The following DIAPH3 variants were observed in gnomAD, a reference collection of about 807,000 sequenced individuals.
DIAPH3 encodes diaphanous related formin 3.
A neutral mutation model predicts 144.3 loss-of-function variants in DIAPH3; 117 were observed. That is an observed-to-expected ratio of 0.81 (90% CI 0.70 to 0.95). The LOEUF (loss-of-function observed/expected upper bound fraction) is 0.95, where lower values mean the gene tolerates loss of function less well. DIAPH3 is among the 40% of genes least tolerant of loss of function. The pLI, the probability that DIAPH3 is intolerant of heterozygous loss-of-function variation, is 0.00. For synonymous variants in DIAPH3, 519 were observed against 488.9 expected, an observed-to-expected ratio of 1.06 and a Z score of -0.81; for missense variants, 1,421 against 1,412.7, an observed-to-expected ratio of 1.01 and a Z score of -0.09.
At chr13:59,684,921 G>C (rs986639880) in intron 27 of DIAPH3, among the ~76,000 whole-genome samples, 1 of 152,052 alleles carries the variant, frequency 6.6e-6, no homozygotes, top group Non-Finnish European at 1.5e-5. Flanking sequence ...TAATTTGCTG[G>C]GGATAAGGTG....
intron 4 of DIAPH3, among the ~76,000 whole-genome samples, chr13:60,046,913 G>A (rs1179956542): frequency 2.6e-5 from 4 of 151,994 alleles, no homozygotes; most frequent in East Asian, 3.9e-4. Context: ...TCATAAGTTG[G>A]AGTTGAACAA....
In DIAPH3 at chr13:59,870,061, A is replaced by G. The variant is rs560514544; in HGVS notation, c.2608-8525T>C. The stretch of plus-strand genomic sequence containing the variant: ...ACGTCATAATAAAACCAAAGGTCAC[A>G]TAGATTTTCTCTTATCTTCTATAAA... On this transcript the variant is annotated intron_variant, in intron 21 of 27. Coordinates refer to ENST00000400324, the MANE Select transcript of DIAPH3 (RefSeq NM_001042517.2). Among the ~76,000 whole-genome samples the G allele has an allele frequency of 7.2e-5, 11 of 152,186 alleles. No homozygotes were observed. In the East Asian group the frequency reaches 7.7e-4, roughly 11 times the overall value.
At position 59,666,701 on chromosome 13, in the gene DIAPH3, C is replaced by A; in HGVS notation, c.3465G>T (p.Lys1155Asn). The A allele has an allele frequency of 1.2e-6, 2 of 1,614,128 alleles. No individual in the cohort carries two copies. Among genetic ancestry groups the A allele is most frequent in the Non-Finnish European group, 1.7e-6 (2 of 1,180,004 alleles). Residue 1155 changes from lysine (K) to asparagine (N), a missense_variant, in exon 28 of 28, where the codon AAG (lysine) becomes AAT (asparagine). Lys to Asn is a moderately conservative substitution (Grantham distance 94). Transcript: ENST00000400324. ...TGTTGCTTTCTACATTACACGCTTC[C>A]TTCTTCTCAGCTGCCTTGATCCTCC... ...STGRIKAAEK[K>N]EACNVESNRK...
intron 1 of DIAPH3, among the ~76,000 whole-genome samples, chr13:60,148,228 T>C (rs1234009262): frequency 2.0e-5 from 3 of 152,238 alleles, no homozygotes; most frequent in African/African-American, 4.8e-5. Context: ...AAGCCATCCA[T>C]GTAAAATAAG....
chr13:59,853,666 T>G (rs1029131037), intron 22 of DIAPH3, among the ~76,000 whole-genome samples: 1 of 152,182 alleles, frequency 6.6e-6, no homozygotes. Context: ...TTACTCGGTC[T>G]CAGGTAGCTC....
At chr13:59,672,190 T>G (rs2032410549) in intron 27 of DIAPH3, among the ~76,000 whole-genome samples, 1 of 152,226 alleles carries the variant, frequency 6.6e-6, no homozygotes, top group Admixed American at 6.5e-5. Flanking sequence ...AAGACTTCTC[T>G]GCTGCAGGAA....
intron 1 of DIAPH3, among the ~76,000 whole-genome samples, chr13:60,159,504 A>T (rs73203987): frequency 0.041 from 6,251 of 152,124 alleles, 184 homozygotes; most frequent in East Asian, 0.1. Context: ...ACGTGCCTGT[A>T]ATCCCAGTTA....
chr13:59,909,167 A>C (rs1185487487), intron 20 of DIAPH3, among the ~76,000 whole-genome samples: 1 of 152,194 alleles, frequency 6.6e-6, no homozygotes, highest in Non-Finnish European at 1.5e-5. Context: ...TTACAGAAAT[A>C]CACTTGGCAA....
intron 18 of DIAPH3, among the ~76,000 whole-genome samples, chr13:59,923,455 C>G (rs2047609929): frequency 6.6e-6 from 1 of 152,152 alleles, no homozygotes; most frequent in South Asian, 2.1e-4. Context: ...CACAAAATCT[C>G]TGTGGTCTAA....
chr13:60,156,243 T>G (rs1406809645), intron 1 of DIAPH3, among the ~76,000 whole-genome samples: 1 of 152,196 alleles, frequency 6.6e-6, no homozygotes, highest in African/African-American at 2.4e-5. Flanking sequence ...GTGTTTGCAT[T>G]TAGGGGCCAC....
chr13:60,089,889 C>T (rs1325831537), intron 4 of DIAPH3, among the ~76,000 whole-genome samples: 1 of 152,094 alleles, frequency 6.6e-6, no homozygotes, highest in East Asian at 1.9e-4. Context: ...AATTAAAGAT[C>T]CAGCACAGGC....
chr13:59,715,236 T>C (rs1209083458), intron 27 of DIAPH3, among the ~76,000 whole-genome samples: 2 of 152,150 alleles, frequency 1.3e-5, no homozygotes, highest in African/African-American at 2.4e-5. Flanking sequence ...AGAATTCACC[T>C]CAAGAAGACA....
chr13:60,142,076 GGAA>G (rs2059437135), intron 1 of DIAPH3, among the ~76,000 whole-genome samples: 1 of 152,202 alleles, frequency 6.6e-6, no homozygotes, highest in Non-Finnish European at 1.5e-5. Context: ...TCAGTGAGAG[GGAA>G]GGAGGAGGCA....
intron 5 of DIAPH3, among the ~76,000 whole-genome samples, chr13:60,017,019 G>T (rs1027319824): frequency 6.6e-6 from 1 of 152,022 alleles, no homozygotes; most frequent in Non-Finnish European, 1.5e-5. Context: ...GGAAAGAAAA[G>T]ATATATGTGT....
intron 1 of DIAPH3, among the ~76,000 whole-genome samples, chr13:60,145,121 A>G (rs1358026941): frequency 6.6e-6 from 1 of 152,218 alleles, no homozygotes; most frequent in Non-Finnish European, 1.5e-5. Flanking sequence ...GAAATTGAAC[A>G]GCACAGAAGT....
chr13:60,059,161 A>G (rs1439347865), intron 4 of DIAPH3, among the ~76,000 whole-genome samples: 1 of 151,858 alleles, frequency 6.6e-6, no homozygotes, highest in Non-Finnish European at 1.5e-5. Context: ...ATGTTTTAAA[A>G]AAATTTATAA....
At chr13:60,031,424 C>T (rs2054785666) in intron 5 of DIAPH3, among the ~76,000 whole-genome samples, 1 of 152,156 alleles carries the variant, frequency 6.6e-6, no homozygotes, top group African/African-American at 2.4e-5. Context: ...CAGTCTGCCC[C>T]AAGCCCCTCC....
intron 25 of DIAPH3, among the ~76,000 whole-genome samples, chr13:59,809,474 C>T (rs2040362881): frequency 6.7e-6 from 1 of 149,390 alleles, no homozygotes; most frequent in Non-Finnish European, 1.5e-5. Context: ...TGCACTCCAG[C>T]CTGGGCAAGA....
At chr13:59,859,050 G>A (rs1290179488) in intron 22 of DIAPH3, among the ~76,000 whole-genome samples, 3 of 152,030 alleles carry the variant, frequency 2.0e-5, no homozygotes, top group Non-Finnish European at 2.9e-5. Context: ...TATAACACGT[G>A]TATAAGAGCA....
Sources: gnomAD v4.1 joint callset for allele counts (sites outside exome capture counted in the v4.1 genomes callset) on GRCh38, gnomAD v4.1.1 for gene constraint, MANE v1.5 for transcripts, NCBI Gene and HGNC (gene_info 2026-07-23, HGNC 2026-07-21) for gene names.